FSTL4: variants seen among roughly 807,000 people sequenced by gnomAD.
The protein encoded by FSTL4 is follistatin-related protein 4.
In FSTL4, 28 loss-of-function variants were observed where a neutral mutation model predicts 78.2. The observed-to-expected ratio is 0.36, with a 90% CI of 0.27 to 0.49. The LOEUF is 0.49. FSTL4 is among the 20% of genes least tolerant of loss of function. FSTL4 has a pLI of 0.98. For synonymous variants in FSTL4, 422 were observed against 440.5 expected (o/e 0.96, Z 0.53); for missense variants, 922 against 1,084.9 (o/e 0.85, Z 2.11).
At chr5:133,537,013 A>G (rs991357153) in intron 3 of FSTL4, among the ~76,000 whole-genome samples, 5 of 152,182 alleles carry the variant, frequency 3.3e-5, no homozygotes, top group African/African-American at 1.2e-4. Context: ...TTCCTAGAGT[A>G]CGGCATTTTC....
At chr5:133,703,198 A>C in the FSTL4 span, among the ~76,000 whole-genome samples, 3 of 152,208 alleles carry the variant, frequency 2.0e-5, no homozygotes, top group Admixed American at 2.0e-4. Context: ...TACAGTAAAA[A>C]CCTTTTATGG....
intron 4 of FSTL4, among the ~76,000 whole-genome samples, chr5:133,379,016 C>A (rs1014722511): frequency 1.3e-5 from 2 of 152,038 alleles, no homozygotes; most frequent in Non-Finnish European, 2.9e-5. Context: ...TATATGCTGG[C>A]TGTAGAACAC....
intron 3 of FSTL4, among the ~76,000 whole-genome samples, chr5:133,402,306 C>T (rs762399324): frequency 1.1e-4 from 16 of 152,252 alleles, no homozygotes; most frequent in Admixed American, 2.0e-4. Flanking sequence ...AAGTGAAAGG[C>T]GAAACAGGCG....
chr5:133,214,684 T>C (rs1750852448), intron 13 of FSTL4, among the ~76,000 whole-genome samples: 1 of 152,174 alleles, frequency 6.6e-6, no homozygotes, highest in Non-Finnish European at 1.5e-5. Flanking sequence ...TGTGCCTGGA[T>C]GTAAGATATT....
the FSTL4 span, among the ~76,000 whole-genome samples, chr5:133,652,884 G>A: frequency 3.3e-5 from 5 of 152,160 alleles, no homozygotes; most frequent in African/African-American, 9.7e-5. Context: ...TGTACCCATC[G>A]TGGTAACAAT....
the FSTL4 span, among the ~76,000 whole-genome samples, chr5:133,839,447 C>T: frequency 6.6e-6 from 1 of 152,178 alleles, no homozygotes; most frequent in African/African-American, 2.4e-5. Context: ...TGCATATTAG[C>T]GTAAAGCCTC....
intron 3 of FSTL4, among the ~76,000 whole-genome samples, chr5:133,529,166 C>A (rs1759198905): frequency 6.6e-6 from 1 of 152,190 alleles, no homozygotes; most frequent in Non-Finnish European, 1.5e-5. Context: ...AAGTAAATGT[C>A]CATTGTGTGA....
At chr5:133,415,752 G>A (rs899417544) in intron 3 of FSTL4, among the ~76,000 whole-genome samples, 3 of 152,188 alleles carry the variant, frequency 2.0e-5, no homozygotes, top group Non-Finnish European at 4.4e-5. Context: ...GCAGGGGCAG[G>A]AGGTTATCTT....
At chr5:133,207,242 T>C (rs1204772504) in intron 14 of FSTL4, among the ~76,000 whole-genome samples, 1 of 152,090 alleles carries the variant, frequency 6.6e-6, no homozygotes, top group African/African-American at 2.4e-5. Context: ...TTAATCACTC[T>C]TGTTTTACGT....
At chr5:133,245,968 TAAGAC>T (rs1752027984) in intron 7 of FSTL4, among the ~76,000 whole-genome samples, 1 of 152,226 alleles carries the variant, frequency 6.6e-6, no homozygotes, top group African/African-American at 2.4e-5. Flanking sequence ...TCTTAACAGA[TAAGAC>T]AAATTAATAT....
Position 133,465,012 on chromosome 5 carries a change from C to T in FSTL4, c.161-64026G>A, listed in dbSNP as rs1757675630. On this transcript the variant is annotated intron_variant, in intron 3 of 15. Transcript: ENST00000265342. ...CAACCTGCCTTCAGGTGCTCGACAC[C>T]TTCGTTTATTAATTGATTCATGCAT... Among the ~76,000 whole-genome samples the T allele has an allele frequency of 2.6e-5, 4 of 152,124 alleles. No individual in the cohort carries two copies. In the South Asian group the frequency reaches 8.3e-4, roughly 32 times the overall value.
At chr5:133,745,386 G>A in the FSTL4 span, among the ~76,000 whole-genome samples, 1 of 152,210 alleles carries the variant, frequency 6.6e-6, no homozygotes, top group Non-Finnish European at 1.5e-5. Context: ...GGAATCAATA[G>A]CACATAATTC....
chr5:133,747,013 G>C, the FSTL4 span, among the ~76,000 whole-genome samples: 1 of 152,156 alleles, frequency 6.6e-6, no homozygotes, highest in African/African-American at 2.4e-5. Context: ...GACTCCTCCT[G>C]GCCACCAGGG....
At chr5:133,567,295 T>C (rs1478329576) in intron 2 of FSTL4, 76 bp from the exon 3 acceptor site, 5 of 1,032,674 alleles carry the variant, frequency 4.8e-6, no homozygotes, top group Non-Finnish European at 1.5e-6. Flanking sequence ...TCTCCTCTCT[T>C]GTTAGTCACA....
At chr5:133,212,634 G>C (rs575309059) in intron 13 of FSTL4, among the ~76,000 whole-genome samples, 1 of 152,274 alleles carries the variant, frequency 6.6e-6, no homozygotes, top group Non-Finnish European at 1.5e-5. Context: ...AGAATGGAAA[G>C]TCCTAACTTT....
At chr5:133,831,601 A>T in the FSTL4 span, among the ~76,000 whole-genome samples, 7 of 152,188 alleles carry the variant, frequency 4.6e-5, no homozygotes, top group Non-Finnish European at 1.0e-4. Context: ...CTCTCTATAA[A>T]CTTATTTCAT....
chr5:133,718,659 T>C, the FSTL4 span, among the ~76,000 whole-genome samples: 1 of 152,254 alleles, frequency 6.6e-6, no homozygotes, highest in Non-Finnish European at 1.5e-5. Flanking sequence ...GGAAATATGA[T>C]GATGTCATAA....
chr5:133,673,361 C>A, the FSTL4 span, among the ~76,000 whole-genome samples: 1 of 152,210 alleles, frequency 6.6e-6, no homozygotes, highest in East Asian at 1.9e-4. Flanking sequence ...GCAGCCCCAG[C>A]CTGGACCACC....
chr5:133,372,504 C>T (rs142402954), intron 4 of FSTL4, among the ~76,000 whole-genome samples: 51 of 152,188 alleles, frequency 3.4e-4, no homozygotes, highest in African/African-American at 1.1e-3. Context: ...ACAACGAGCC[C>T]TGGAGTCAGC....
Sources: allele counts gnomAD v4.1 joint callset (sites outside exome capture counted in the v4.1 genomes callset), GRCh38; gene constraint gnomAD v4.1.1; transcripts MANE v1.5; gene names NCBI Gene and HGNC (gene_info 2026-07-23, HGNC 2026-07-21).